Variants in DLL1 observed in about 807,000 individuals in gnomAD.
The protein encoded by DLL1 is delta like canonical Notch ligand 1.
In DLL1, 9 loss-of-function variants were observed where a neutral mutation model predicts 75.1. The observed-to-expected ratio is 0.12, with a 90% CI of 0.07 to 0.21. The LOEUF (loss-of-function observed/expected upper bound fraction) is 0.21. Ranked by LOEUF, DLL1 falls within the 10% of genes least tolerant of loss-of-function variation. The pLI is 1.00. For missense variants in DLL1, 837 were observed against 1,007.6 expected, an observed-to-expected ratio of 0.83 and a Z score of 2.29; for synonymous variants, 477 against 418.3, an observed-to-expected ratio of 1.14 and a Z score of -1.71.
intron 2 of DLL1, 45 bp from the exon 3 acceptor site, chr6:170,288,834 G>A (rs760745708): frequency 6.2e-7 from 1 of 1,609,970 alleles, no homozygotes; most frequent in South Asian, 1.1e-5. Flanking sequence ...GAAAGGTAAC[G>A]AAAAGAAAAC....
intron 8 of DLL1, among the ~76,000 whole-genome samples, chr6:170,284,482 T>C (rs1783651034): frequency 1.3e-5 from 2 of 152,196 alleles, no homozygotes; most frequent in South Asian, 4.1e-4. Context: ...CCAGCTCTCC[T>C]TGCTGTGTGT....
chr6:170,283,655 GC>G lies in DLL1; in HGVS notation c.1623del (p.Pro542HisfsTer30). 1 of 1,588,464 alleles carries G rather than the reference GC, an allele frequency of 6.3e-7. No homozygotes were observed. Among genetic ancestry groups the G allele is most frequent in the Non-Finnish European group, 8.6e-7 (1 of 1,166,934 alleles). On this transcript the variant is annotated frameshift_variant, in exon 9 of 11. Coordinates refer to ENST00000366756, the MANE Select transcript of DLL1 (RefSeq NM_005618.4). LOFTEE classifies it high-confidence loss of function. ...GCGCACACGGCCACCCAGGGGAATGGCCCGCCCTGGCCCTCTAGCTTCTCAG... is the reference window on the plus strand; with the variant it reads ...GCGCACACGGCCACCCAGGGGAATGGCCGCCCTGGCCCTCTAGCTTCTCAG... ...DLTEKLEGQG[G>X]PFPWVAVCAG...
rs1292482330 is a variant in DLL1, at chr6:170,283,493, A to C, written c.1786T>G (p.Cys596Gly). Residue 596 changes from cysteine (C) to glycine (G), a missense_variant, in exon 9 of 11, where the codon TGC becomes GGC. Physicochemically the swap from Cys to Gly is radical, Grantham distance 159. Transcript: ENST00000366756. ...ACTGAGATGTCCTTCTCACGCTGGCAGTTGGCCAGGTTGTTCATGGTCTCC... is the reference window on the plus strand; with the variant it reads ...ACTGAGATGTCCTTCTCACGCTGGCCGTTGGCCAGGTTGTTCATGGTCTCC... ...ETETMNNLAN[C>G]QREKDISVSI... 3 of 1,613,488 alleles carry C rather than the reference A, an allele frequency of 1.9e-6. No homozygotes were observed. The highest frequency in any genetic ancestry group is 2.5e-6 in the Non-Finnish European group (3 of 1,180,030).
rs1215661111 is a variant in DLL1, at chr6:170,283,421, C to G, written c.1858G>C (p.Asp620His). 1 of 1,611,178 alleles carries G rather than the reference C, an allele frequency of 6.2e-7. No homozygotes were observed. The highest frequency in any genetic ancestry group is 1.3e-5 in the African/African-American group (1 of 74,926). The change falls in exon 9 of 11, where the codon GAC (aspartate) becomes CAC (histidine). Residue 620 changes from aspartate to histidine, a missense_variant. Coordinates refer to ENST00000366756, the MANE Select transcript of DLL1 (RefSeq NM_005618.4). ...TQIKNTNKKA[D>H]FHGDHSADKN... is the part of the protein sequence containing the mutation. ...TCGGCGCTGTGGTCCCCGTGGAAGT[C>G]CGCCTTCTTGTTGGTGTTCTTGATC...
At position 170,285,365 on chromosome 6, in the gene DLL1, C is replaced by A; in HGVS notation, c.921G>T (p.Thr307=). The A allele has an allele frequency of 1.2e-6, 2 of 1,614,158 alleles. No homozygotes were observed. The highest frequency in any genetic ancestry group is 1.7e-6 in the Non-Finnish European group (2 of 1,180,026). The change falls in exon 7 of 11, where the codon ACG becomes ACT. Residue 307 remains threonine, a synonymous_variant. Coordinates refer to ENST00000366756, the MANE Select transcript of DLL1 (RefSeq NM_005618.4). ...PCKNGATCTN[T]GQGSYTCSCR... is the part of the protein sequence containing the mutation. ...AAGAGCAAGTGTAGCTCCCCTGGCC[C>A]GTGTTGGTGCAGGTGGCTCCATTCT...
chr6:170,289,441 C>A (rs1011225217), intron 2 of DLL1, 71 bp downstream of exon 2: 1 of 1,519,594 alleles, frequency 6.6e-7, no homozygotes, highest in Admixed American at 2.0e-5. Context: ...GCGCCCAAGG[C>A]GGGATCCCAG....
At chr6:170,285,773 AC>A in intron 5 of DLL1, 74 bp from the exon 6 acceptor site, 3 of 1,597,446 alleles carry the variant, frequency 1.9e-6, no homozygotes, top group Non-Finnish European at 2.6e-6. Flanking sequence ...CACCCTAGAA[AC>A]CATCTTCCCG....
intron 10 of DLL1, 50 bp downstream of exon 10, chr6:170,282,938 T>C: frequency 6.2e-7 from 1 of 1,614,058 alleles, no homozygotes; most frequent in African/African-American, 1.3e-5. Flanking sequence ...TGCTCCAGCT[T>C]CAGGTGCTCC....
rs1195750582 is a variant in DLL1, at chr6:170,285,290, A to C, written c.996T>G (p.Cys332Trp). ...GATCELGIDE[C>W]DPSPCKNGGS... ...CTCCGTTCTTACAAGGGCTGGGGTCACACTCGTCAATCCCCAGCTCGCAGG... is the reference window on the plus strand; with the variant it reads ...CTCCGTTCTTACAAGGGCTGGGGTCCCACTCGTCAATCCCCAGCTCGCAGG... Residue 332 changes from cysteine to tryptophan, a missense_variant, in exon 7 of 11, where the codon TGT becomes TGG. Cys to Trp is a radical substitution (Grantham distance 215). Around this residue, in one of 2 missense-constraint regions of DLL1, gnomAD observed 304 missense variants for 461.9 expected, o/e 0.66. Coordinates refer to ENST00000366756, the MANE Select transcript of DLL1 (RefSeq NM_005618.4). The C allele has an allele frequency of 6.2e-7, 1 of 1,614,156 alleles. No homozygotes were observed. The highest frequency in any genetic ancestry group is 1.1e-5 in the South Asian group (1 of 91,082).
In DLL1 at chr6:170,283,601, G is replaced by T; in HGVS notation, c.1678C>A (p.Leu560Met). 1 of 1,612,220 alleles carries T rather than the reference G, an allele frequency of 6.2e-7. No homozygotes were observed. ...CAGACCACCACAGCGGCACAGCCCA[G>T]CAGCAGCATGAGGACAAGGATGACC... ...AGVILVLMLL[L>M]GCAAVVVCVR... Residue 560 changes from leucine (L) to methionine (M), a missense_variant, in exon 9 of 11, where the codon CTG becomes ATG. Coordinates refer to ENST00000366756, the MANE Select transcript of DLL1 (RefSeq NM_005618.4).
chr6:170,290,274 C>A lies in DLL1; in HGVS notation c.-135G>T. 1.1e-6 allele frequency: 1 copy of A among 946,590 alleles called. No individual in the cohort carries two copies. The highest frequency in any genetic ancestry group is 1.5e-6 in the Non-Finnish European group (1 of 673,628). The allele number at this position is 946,590 out of a possible 1,614,324, so 58.6% of individuals were successfully genotyped here. On this transcript the variant is annotated 5_prime_UTR_variant, in exon 1 of 11. Coordinates refer to ENST00000366756, the MANE Select transcript of DLL1 (RefSeq NM_005618.4). This position sits in a 1 kb window ranked among gnomAD's most constrained non-coding sequence, Gnocchi z 4.7. The stretch of plus-strand genomic sequence containing the variant: ...CTTGCCTCGCCCCAGACCGCAGGAC[C>A]CAGGACTTCTTTCTTTAAAAGCCGG...
In DLL1 at chr6:170,288,424, T is replaced by A. The variant is rs752986001; in HGVS notation, c.485A>T (p.Asp162Val). ...HLTVGEEWSQ[D>V]LHSSGRTDLK... ...GTCCGTGCGGCCGCTGCTGTGCAGG[T>A]CCTGGGACCACTCCTCGCCCACCGT... Residue 162 changes from aspartate (D) to valine (V), a missense_variant, in exon 4 of 11, where the codon GAC becomes GTC. By Grantham distance (152) the Asp-to-Val change is radical. Coordinates refer to ENST00000366756, the MANE Select transcript of DLL1 (RefSeq NM_005618.4). 3.1e-6 allele frequency: 5 copies of A among 1,614,050 alleles called. No homozygotes were observed. The highest frequency in any genetic ancestry group is 4.2e-6 in the Non-Finnish European group (5 of 1,180,050).
At chr6:170,286,321 G>A in intron 4 of DLL1, 23 bp from the exon 5 acceptor site, 14 of 1,614,136 alleles carry the variant, frequency 8.7e-6, no homozygotes, top group Non-Finnish European at 1.2e-5. Flanking sequence ...GAAAAACAGG[G>A]TCAAGCCCCA....
chr6:170,284,275 T>C (rs184200570), intron 8 of DLL1, among the ~76,000 whole-genome samples: 69 of 152,340 alleles, frequency 4.5e-4, no homozygotes, highest in African/African-American at 1.6e-3. Context: ...CAGAACACTC[T>C]GGTGGCTGCA....
At chr6:170,285,892 G>C (rs1783685920) in intron 5 of DLL1, among the ~76,000 whole-genome samples, 193 bp from the exon 6 acceptor site, 1 of 152,214 alleles carries the variant, frequency 6.6e-6, no homozygotes, top group Admixed American at 6.5e-5. Context: ...TTGGGTGTTA[G>C]GGCAGCACCA....
chr6:170,286,435 G>C (rs1783695254), intron 4 of DLL1, 137 bp from the exon 5 acceptor site: 4 of 1,073,386 alleles, frequency 3.7e-6, no homozygotes, highest in East Asian at 4.8e-5. Flanking sequence ...GGTTGTGGAG[G>C]ACTGACCCCC....
chr6:170,289,924 G>T (rs1783813939), intron 1 of DLL1, 116 bp from the exon 2 acceptor site: 2 of 1,326,432 alleles, frequency 1.5e-6, no homozygotes, highest in African/African-American at 1.6e-5. Context: ...GAGCGCGCTC[G>T]CTGCACGGCC....
At position 170,283,629 on chromosome 6, in the gene DLL1, G is replaced by A. The variant is rs146859652; in HGVS notation, c.1650C>T (p.Ala550=). The change falls in exon 9 of 11, where the codon GCC becomes GCT. Residue 550 remains alanine, a synonymous_variant. Coordinates refer to ENST00000366756, the MANE Select transcript of DLL1 (RefSeq NM_005618.4). ...GCAGCATGAGGACAAGGATGACCCC[G>A]GCGCACACGGCCACCCAGGGGAATG... The part of the protein sequence containing the change: ...GGPFPWVAVC[A]GVILVLMLLL... 1,022 of 1,607,130 alleles carry A rather than the reference G, an allele frequency of 6.4e-4. 7 individuals are homozygous for A. The highest frequency in any genetic ancestry group is 6.3e-3 in the African/African-American group (469 of 74,918).
At chr6:170,282,949 C>T (rs1374202109) in intron 10 of DLL1, 39 bp downstream of exon 10, 3 of 1,614,128 alleles carry the variant, frequency 1.9e-6, no homozygotes, top group Non-Finnish European at 2.5e-6. Context: ...CAGGTGCTCC[C>T]ATGCCGAGGA....
Sources: gnomAD v4.1 joint callset for allele counts (sites outside exome capture counted in the v4.1 genomes callset) on GRCh38, gnomAD v4.1.1 for gene constraint, gnomAD v4.1.1 regional missense constraint, Gnocchi (gnomAD v3.1) non-coding constraint, MANE v1.5 for transcripts, NCBI Gene and HGNC (gene_info 2026-07-23, HGNC 2026-07-21) for gene names.